Variants in VAV3 observed in about 807,000 individuals in gnomAD.
VAV3 encodes guanine nucleotide exchange factor VAV3.
A neutral mutation model predicts 131.2 loss-of-function variants in VAV3; 94 were observed. The ratio of observed to expected loss-of-function variants is 0.72; its 90% CI spans 0.61 to 0.85. The LOEUF (loss-of-function observed/expected upper bound fraction) is 0.85, where lower values mean the gene tolerates loss of function less well. Ranked by LOEUF, VAV3 falls within the 40% of genes least tolerant of loss-of-function variation. The pLI is 0.00. For missense variants in VAV3, 939 were observed against 1,002.7 expected (o/e 0.94, Z 0.86); for synonymous variants, 349 against 342.0 (o/e 1.02, Z -0.22).
At chr1:107,750,797 T>C (rs1422798414) in intron 13 of VAV3, among the ~76,000 whole-genome samples, 2 of 152,248 alleles carry the variant, frequency 1.3e-5, no homozygotes, top group Non-Finnish European at 2.9e-5. Flanking sequence ...TTTAAAAATA[T>C]ATTCCAAAAA....
chr1:107,587,731 C>T (rs1262940590), intron 25 of VAV3, among the ~76,000 whole-genome samples: 2 of 152,270 alleles, frequency 1.3e-5, no homozygotes, highest in Non-Finnish European at 2.9e-5. Flanking sequence ...GCTGGGATTA[C>T]AGATGCGTGC....
intron 9 of VAV3, among the ~76,000 whole-genome samples, chr1:107,764,060 C>T (rs1664590498): frequency 7.1e-6 from 1 of 140,528 alleles, no homozygotes; most frequent in Non-Finnish European, 1.5e-5. Context: ...ATGAAGTCCT[C>T]GAACTCCTCT....
intron 2 of VAV3, among the ~76,000 whole-genome samples, chr1:107,817,447 G>C (rs1389260531): frequency 2.0e-5 from 3 of 152,146 alleles, no homozygotes; most frequent in Non-Finnish European, 4.4e-5. Context: ...AAGCTGGTTA[G>C]AGTCAGATTA....
At chr1:107,603,767 G>C (rs1454687547) in intron 22 of VAV3, among the ~76,000 whole-genome samples, 2 of 151,070 alleles carry the variant, frequency 1.3e-5, no homozygotes, top group Non-Finnish European at 2.9e-5. Context: ...GCTAAATACA[G>C]GCAAGCCCAA....
intron 20 of VAV3, among the ~76,000 whole-genome samples, chr1:107,622,982 GAAAAAAACCAGCA>G (rs1653720762): frequency 6.6e-6 from 1 of 152,012 alleles, no homozygotes; most frequent in African/African-American, 2.4e-5. Context: ...TGCAATAAAA[GAAAAAAACCAGCA>G]AAGAGGAAGT....
intron 1 of VAV3, among the ~76,000 whole-genome samples, chr1:107,899,366 T>C (rs936445875): frequency 1.3e-5 from 2 of 152,160 alleles, no homozygotes; most frequent in Non-Finnish European, 1.5e-5. Flanking sequence ...TGAGCACTTA[T>C]TAGGTTCTGC....
chr1:107,950,545 T>C (rs1674483627), intron 1 of VAV3, among the ~76,000 whole-genome samples: 1 of 151,714 alleles, frequency 6.6e-6, no homozygotes, highest in Non-Finnish European at 1.5e-5. Flanking sequence ...TGCAAAGAGG[T>C]GAATGAAAGC....
intron 12 of VAV3, among the ~76,000 whole-genome samples, chr1:107,752,528 A>G (rs1186858760): frequency 6.6e-6 from 1 of 152,236 alleles, no homozygotes; most frequent in Non-Finnish European, 1.5e-5. Context: ...AACAGACACA[A>G]GAAAAGTATT....
intron 17 of VAV3, among the ~76,000 whole-genome samples, chr1:107,692,096 T>C (rs1659465704): frequency 6.6e-6 from 1 of 152,068 alleles, no homozygotes; most frequent in South Asian, 2.1e-4. Flanking sequence ...AGAAAAGTAA[T>C]TACCAGTACA....
intron 12 of VAV3, among the ~76,000 whole-genome samples, chr1:107,754,146 A>G (rs1336659317): frequency 6.6e-6 from 1 of 152,196 alleles, no homozygotes; most frequent in African/African-American, 2.4e-5. Flanking sequence ...GGTTCAGGAA[A>G]ATAGCTTAAG....
At position 107,927,962 on chromosome 1, in the gene VAV3, T is replaced by C. The variant is rs577913311; in HGVS notation, c.204+36704A>G. ...AGCCAGGGAGTGGTTACAGTGGGTC[T>C]TAAGTGAGACCCAGTGCTATACTGG... is the stretch of plus-strand genomic sequence containing the variant. On this transcript the variant is annotated intron_variant, in intron 1 of 26. Coordinates refer to ENST00000370056, the MANE Select transcript of VAV3 (RefSeq NM_006113.5). Among the ~76,000 whole-genome samples, 385 of 152,142 alleles carry C rather than the reference T, an allele frequency of 2.5e-3. 1 individual carries two copies. Among genetic ancestry groups the C allele is most frequent in the Middle Eastern group, 0.014 (4 of 294 alleles).
intron 15 of VAV3, among the ~76,000 whole-genome samples, chr1:107,739,754 C>T (rs553649463): frequency 6.2e-4 from 95 of 152,294 alleles, no homozygotes; most frequent in Admixed American, 1.4e-3. Context: ...CAGACACTGA[C>T]GGGCTTTGGA....
chr1:107,949,463 A>T (rs1358532079), intron 1 of VAV3, among the ~76,000 whole-genome samples: 3 of 152,110 alleles, frequency 2.0e-5, no homozygotes. Context: ...GGCATGTGCT[A>T]CAGTGCCCAG....
At chr1:107,875,157 C>T (rs952394402) in intron 1 of VAV3, 140 bp from the exon 2 acceptor site, 1 of 698,532 alleles carries the variant, frequency 1.4e-6, no homozygotes, top group Non-Finnish European at 2.5e-6. Flanking sequence ...ACTCATTCAG[C>T]AGTACTGACC....
chr1:107,639,839 T>A (rs1488936967), intron 20 of VAV3, among the ~76,000 whole-genome samples: 1 of 151,160 alleles, frequency 6.6e-6, no homozygotes, highest in African/African-American at 2.4e-5. Context: ...GAGGCTGAGA[T>A]GGGAAGATGG....
chr1:107,672,053 A>G (rs1302060868), intron 19 of VAV3: 1 of 152,184 alleles, frequency 6.6e-6, no homozygotes, highest in Admixed American at 6.5e-5. Context: ...GGATTACATG[A>G]GGCCAAGAGT....
At chr1:107,955,811 C>A (rs1674781586) in intron 1 of VAV3, among the ~76,000 whole-genome samples, 1 of 152,134 alleles carries the variant, frequency 6.6e-6, no homozygotes, top group Admixed American at 6.5e-5. Flanking sequence ...CTCTTGCATA[C>A]TAAGGAGGTT....
At chr1:107,791,436 A>T (rs2102273001) in intron 2 of VAV3, among the ~76,000 whole-genome samples, 1 of 152,296 alleles carries the variant, frequency 6.6e-6, no homozygotes, top group South Asian at 2.1e-4. Context: ...TACACATGTG[A>T]ACCCAAGGCA....
intron 21 of VAV3, among the ~76,000 whole-genome samples, chr1:107,610,974 C>G (rs1652682430): frequency 6.6e-6 from 1 of 152,120 alleles, no homozygotes; most frequent in South Asian, 2.1e-4. Context: ...TGTCTCTAGC[C>G]ATGCTGGTCT....
Sources: gnomAD v4.1 joint callset for allele counts (sites outside exome capture counted in the v4.1 genomes callset) on GRCh38, gnomAD v4.1.1 for gene constraint, MANE v1.5 for transcripts, NCBI Gene and HGNC (gene_info 2026-07-23, HGNC 2026-07-21) for gene names.